TMEM273: variants seen among roughly 807,000 people sequenced by gnomAD.
TMEM273 encodes the protein transmembrane protein 273.
In TMEM273, 19 loss-of-function variants were observed where a neutral mutation model predicts 17.9. That is an observed-to-expected ratio of 1.06 (90% CI 0.74 to 1.55). The LOEUF is 1.55. Ranked by LOEUF, TMEM273 falls within the 40% of genes most tolerant of loss-of-function variation. TMEM273 has a pLI of 0.00. For missense variants in TMEM273, 194 were observed against 155.6 expected (o/e 1.25, Z -1.31); for synonymous variants, 66 against 62.0 (o/e 1.07, Z -0.31).
At chr10:49,180,191 A>G (rs556276617) in intron 1 of TMEM273, among the ~76,000 whole-genome samples, 1 of 152,272 alleles carries the variant, frequency 6.6e-6, no homozygotes, top group East Asian at 1.9e-4. Context: ...CTGCCCAGCC[A>G]CCACGAGGCT....
chr10:49,183,254 G>A (rs1236427704), intron 1 of TMEM273, among the ~76,000 whole-genome samples: 2 of 152,024 alleles, frequency 1.3e-5, no homozygotes, highest in African/African-American at 4.8e-5. Context: ...TGATTGTACT[G>A]TGGTATATAT....
intron 1 of TMEM273, among the ~76,000 whole-genome samples, chr10:49,173,414 G>A (rs1352789031): frequency 3.9e-5 from 6 of 152,192 alleles, no homozygotes; most frequent in Non-Finnish European, 5.9e-5. Context: ...AGCTGGACTG[G>A]GATGTGCAAG....
rs773336529 is a variant in TMEM273 at position 49,165,772 on chromosome 10, G to T, written c.263C>A (p.Ala88Asp). The T allele has an allele frequency of 7.4e-6, 12 of 1,614,152 alleles. No individual in the cohort carries two copies. The highest frequency in any genetic ancestry group is 2.2e-5 in the East Asian group (1 of 44,868). The change falls in exon 4 of 7, where the codon GCC becomes GAC. Residue 88 changes from alanine (A) to aspartate (D), a missense_variant. Ala to Asp is a moderately radical substitution (Grantham distance 126). Transcript: ENST00000374153. ...GTGTGGGCAGTGACCTTACCTTGGG[G>T]CTCTCTTCTTTAGCGGGATGGTGTC... Reference protein sequence around the residue: ...LSDTIPLKKRAPRKLQASTLF... With the variant: ...LSDTIPLKKRDPRKLQASTLF...
chr10:49,158,450 A>C (rs540918333), intron 6 of TMEM273, among the ~76,000 whole-genome samples: 29 of 152,336 alleles, frequency 1.9e-4, no homozygotes, highest in South Asian at 8.3e-4. Flanking sequence ...GTTTCTGTGG[A>C]AAGATTCTGA....
At chr10:49,181,414 T>C (rs1037670946) in intron 1 of TMEM273, among the ~76,000 whole-genome samples, 1 of 152,216 alleles carries the variant, frequency 6.6e-6, no homozygotes, top group African/African-American at 2.4e-5. Flanking sequence ...AAAAATCTTT[T>C]TTGAAAAGGA....
chr10:49,171,910 G>A (rs1846597811), intron 1 of TMEM273, among the ~76,000 whole-genome samples: 1 of 152,190 alleles, frequency 6.6e-6, no homozygotes, highest in Non-Finnish European at 1.5e-5. Flanking sequence ...CACCCTTGAT[G>A]GGGGACTGGC....
In TMEM273 at chr10:49,186,058, A is replaced by AAGG. The variant is rs1847662526; in HGVS notation, c.43+2235_43+2236insCCT. ...GAAAAAGAAGAAGAAGAAGAGGAAG[A>AAGG]AGAAGAAGAGGAAGAAGAAGAAGAA... On this transcript the variant is annotated intron_variant, in intron 1 of 6. Coordinates refer to ENST00000374153, the MANE Select transcript of TMEM273 (RefSeq NM_001288740.3). Among the ~76,000 whole-genome samples the AAGG allele has an allele frequency of 4.0e-5, 6 of 149,868 alleles. No homozygotes were observed. In the South Asian group the frequency reaches 1.3e-3, roughly 32 times the overall value.
intron 3 of TMEM273, chr10:49,166,342 T>C (rs1378032180): frequency 1.3e-5 from 3 of 223,814 alleles, no homozygotes; most frequent in African/African-American, 4.6e-5. Context: ...TACTCAGTAC[T>C]GCTTTGAGAA....
At chr10:49,179,886 A>G (rs542150162) in intron 1 of TMEM273, among the ~76,000 whole-genome samples, 1 of 151,956 alleles carries the variant, frequency 6.6e-6, no homozygotes, top group East Asian at 1.9e-4. Flanking sequence ...ACAACGGTCA[A>G]ACAGCACAGA....
chr10:49,178,067 A>T, intron 1 of TMEM273: 1 of 403,082 alleles, frequency 2.5e-6, no homozygotes, highest in South Asian at 1.8e-5. Flanking sequence ...CCCTGCCTCC[A>T]ACCCATCTGG....
chr10:49,175,205 G>C (rs906788711), intron 1 of TMEM273, among the ~76,000 whole-genome samples: 1 of 152,150 alleles, frequency 6.6e-6, no homozygotes, highest in African/African-American at 2.4e-5. Context: ...GGTCAGAGCA[G>C]CTGGGGATAC....
At chr10:49,168,780 C>T (rs1049519974) in intron 1 of TMEM273, among the ~76,000 whole-genome samples, 1 of 152,094 alleles carries the variant, frequency 6.6e-6, no homozygotes, top group Non-Finnish European at 1.5e-5. Context: ...CCTCCCTCTT[C>T]TAGCCAGGCC....
At chr10:49,185,978 C>A (rs915405629) in intron 1 of TMEM273, among the ~76,000 whole-genome samples, 53 of 146,158 alleles carry the variant, frequency 3.6e-4, no homozygotes, top group African/African-American at 1.4e-3. Flanking sequence ...AATTCCATCT[C>A]AAGAAGAAGA....
chr10:49,187,786 C>T (rs1329564833), intron 1 of TMEM273, among the ~76,000 whole-genome samples: 2 of 152,140 alleles, frequency 1.3e-5, no homozygotes, highest in Admixed American at 1.3e-4. Context: ...ACAAAGATAC[C>T]TCTGAGTAGC....
intron 2 of TMEM273, 101 bp from the exon 3 acceptor site, chr10:49,167,110 A>C (rs1590204366): frequency 2.0e-6 from 3 of 1,482,820 alleles, no homozygotes; most frequent in East Asian, 2.4e-5. Context: ...TTAACACACC[A>C]CCTCCCACTG....
chr10:49,184,020 G>C (rs1306659978), intron 1 of TMEM273, among the ~76,000 whole-genome samples: 1 of 151,836 alleles, frequency 6.6e-6, no homozygotes, highest in Non-Finnish European at 1.5e-5. Flanking sequence ...CCCATTAATG[G>C]TTCAGACATA....
At chr10:49,182,854 G>A (rs1014216978) in intron 1 of TMEM273, among the ~76,000 whole-genome samples, 2 of 151,994 alleles carry the variant, frequency 1.3e-5, no homozygotes, top group East Asian at 1.9e-4. Flanking sequence ...CAGGCATCCC[G>A]TGCCTCTAAG....
intron 1 of TMEM273, among the ~76,000 whole-genome samples, chr10:49,180,708 C>A (rs1429572023): frequency 6.6e-6 from 1 of 152,188 alleles, no homozygotes; most frequent in African/African-American, 2.4e-5. Context: ...TTAGAGTCAT[C>A]TGACAGAGGT....
At chr10:49,160,139 T>G (rs1324534166) in intron 6 of TMEM273, among the ~76,000 whole-genome samples, 5 of 152,208 alleles carry the variant, frequency 3.3e-5, no homozygotes, top group Non-Finnish European at 7.3e-5. Flanking sequence ...GGATCATGAA[T>G]AGGTATAAAA....
Sources: gnomAD v4.1 joint callset for allele counts (sites outside exome capture counted in the v4.1 genomes callset) on GRCh38, gnomAD v4.1.1 for gene constraint, MANE v1.5 for transcripts, NCBI Gene and HGNC (gene_info 2026-07-23, HGNC 2026-07-21) for gene names.